Variants in FRMPD4 observed in about 807,000 individuals in gnomAD.
FRMPD4 encodes the protein FERM and PDZ domain-containing protein 4.
FRMPD4 carries 22 observed loss-of-function variants against 94.1 expected under a neutral mutation model. The observed-to-expected ratio is 0.23, with a 90% CI of 0.17 to 0.33. FRMPD4 has a LOEUF of 0.33. Among genes scored for constraint, FRMPD4 ranks in the 10% least tolerant of loss-of-function variants. The pLI, the probability that FRMPD4 is intolerant of heterozygous loss-of-function variation, is 1.00. For synonymous variants in FRMPD4, 631 were observed against 548.6 expected (o/e 1.15, Z -2.10); for missense variants, 1,111 against 1,339.9 (o/e 0.83, Z 2.67).
chrX:12,217,260 G>T (rs1041907662), intron 1 of FRMPD4, among the ~76,000 whole-genome samples: 1 of 111,623 alleles, frequency 9.0e-6, no homozygotes, highest in East Asian at 2.8e-4. Flanking sequence ...GAAGTAAGCT[G>T]CTTCAGGGTA....
intron 1 of FRMPD4, among the ~76,000 whole-genome samples, chrX:12,362,070 C>G (rs1203419911): frequency 2.7e-5 from 3 of 110,854 alleles, no homozygotes; most frequent in Admixed American, 9.5e-5. Flanking sequence ...TTTTTTTCTT[C>G]TAGCTTATAT....
chrX:12,539,847 T>G (rs1437337864), intron 2 of FRMPD4, among the ~76,000 whole-genome samples: 1 of 111,563 alleles, frequency 9.0e-6, no homozygotes, highest in African/African-American at 3.3e-5. Context: ...TTGGTCAGGC[T>G]GGTCTCGAAC....
At chrX:12,617,104 C>G (rs756511891) in intron 4 of FRMPD4, among the ~76,000 whole-genome samples, 1 of 111,987 alleles carries the variant, frequency 8.9e-6, no homozygotes, top group African/African-American at 3.2e-5. Flanking sequence ...AAAAAGCGCT[C>G]TCTATAGAAC....
At chrX:12,166,119 G>C (rs2056112815) in intron 1 of FRMPD4, among the ~76,000 whole-genome samples, 1 of 111,745 alleles carries the variant, frequency 8.9e-6, no homozygotes, top group Middle Eastern at 4.2e-3. Flanking sequence ...GGGCATCCCT[G>C]TCTTGTGCCA....
At chrX:11,838,538 G>A (rs963537560) in intron 1 of FRMPD4, among the ~76,000 whole-genome samples, 4 of 110,902 alleles carry the variant, frequency 3.6e-5, no homozygotes, top group South Asian at 3.8e-4. Flanking sequence ...TTTAGTGAAC[G>A]TATAGAGTTG....
At chrX:12,319,788 A>G (rs2055180446) in intron 1 of FRMPD4, among the ~76,000 whole-genome samples, 1 of 112,044 alleles carries the variant, frequency 8.9e-6, no homozygotes, top group African/African-American at 3.2e-5. Context: ...TCTATTGTCT[A>G]TGGTTTCAGT....
chrX:12,287,152 G>A lies in FRMPD4; in HGVS notation c.41+148140G>A, dbSNP rs773543227. 1.2e-4 allele frequency among the ~76,000 whole-genome samples: 14 copies of A among 112,436 alleles called. No homozygotes were observed. In the South Asian group the frequency reaches 5.1e-3, roughly 41 times the overall value. ...ATTGATGAACAAGGCAAGACCAAAT[G>A]TTTACTTAGGGAGATGATTGTGTTG... is the stretch of plus-strand genomic sequence containing the variant. On this transcript the variant is annotated intron_variant, in intron 1 of 16. Transcript: ENST00000675598.
chrX:12,162,848 G>A (rs953937636), intron 1 of FRMPD4, among the ~76,000 whole-genome samples: 3 of 111,554 alleles, frequency 2.7e-5, no homozygotes, highest in African/African-American at 9.8e-5. Flanking sequence ...GCAAAATGGT[G>A]AAATTTGACA....
At chrX:12,073,525 C>T (rs1042960264) in intron 3 of FRMPD4, among the ~76,000 whole-genome samples, 1 of 111,650 alleles carries the variant, frequency 9.0e-6, no homozygotes, top group African/African-American at 3.3e-5. Context: ...ATACAAAACC[C>T]GTCAATGGTC....
At chrX:11,847,717 C>G (rs774547300) in intron 1 of FRMPD4, among the ~76,000 whole-genome samples, 1 of 109,649 alleles carries the variant, frequency 9.1e-6, no homozygotes, top group Non-Finnish European at 1.9e-5. Flanking sequence ...AAATGATGAG[C>G]TAATGTCCTT....
At chrX:12,066,891 A>G in intron 3 of FRMPD4, among the ~76,000 whole-genome samples, 1 of 92,285 alleles carries the variant, frequency 1.1e-5, no homozygotes, top group Non-Finnish European at 2.2e-5. Flanking sequence ...TTTTTTTGAG[A>G]CATAGCCTCA....
At chrX:12,168,074 A>G (rs1003078611) in intron 1 of FRMPD4, among the ~76,000 whole-genome samples, 8 of 110,659 alleles carry the variant, frequency 7.2e-5, no homozygotes, top group African/African-American at 2.6e-4. Context: ...GCACCTTACA[A>G]TGTGCGGGGC....
At chrX:12,256,300 G>A (rs762925315) in intron 1 of FRMPD4, among the ~76,000 whole-genome samples, 11 of 111,866 alleles carry the variant, frequency 9.8e-5, no homozygotes, top group Non-Finnish European at 2.1e-4. Flanking sequence ...CCCACAAACA[G>A]GAGAAGACAG....
intron 1 of FRMPD4, among the ~76,000 whole-genome samples, chrX:12,425,300 C>T (rs2056932434): frequency 9.0e-6 from 1 of 111,708 alleles, no homozygotes. Flanking sequence ...CAGAAATTGC[C>T]AGCCAACCAG....
chrX:11,828,336 C>T (rs1213304038), intron 1 of FRMPD4, among the ~76,000 whole-genome samples: 5 of 112,115 alleles, frequency 4.5e-5, no homozygotes, highest in East Asian at 2.8e-4. Flanking sequence ...AGCAACTGCC[C>T]GCACCAGACT....
chrX:11,904,812 G>A (rs2053958765), intron 3 of FRMPD4, among the ~76,000 whole-genome samples: 1 of 112,392 alleles, frequency 8.9e-6, no homozygotes, highest in Admixed American at 9.4e-5. Flanking sequence ...TTTAAGAGAT[G>A]ATTATTTTTA....
At chrX:12,685,801 G>C (rs1441216692) in intron 6 of FRMPD4, among the ~76,000 whole-genome samples, 1 of 111,911 alleles carries the variant, frequency 8.9e-6, no homozygotes, top group African/African-American at 3.2e-5. Context: ...GCTTAGGTCT[G>C]GGCTTGTAGT....
chrX:12,040,445 A>G (rs960393123), intron 3 of FRMPD4, among the ~76,000 whole-genome samples: 14 of 108,697 alleles, frequency 1.3e-4, no homozygotes, highest in East Asian at 8.5e-4. Context: ...TAGACATCAT[A>G]TAGAAGTCTA....
intron 3 of FRMPD4, among the ~76,000 whole-genome samples, chrX:11,893,799 C>T (rs2053887731): frequency 9.0e-6 from 1 of 111,329 alleles, no homozygotes; most frequent in African/African-American, 3.3e-5. Flanking sequence ...AATTCTTTTT[C>T]CAGTTAGGGC....
Sources: gnomAD v4.1 joint callset for allele counts (sites outside exome capture counted in the v4.1 genomes callset) on GRCh38, gnomAD v4.1.1 for gene constraint, MANE v1.5 for transcripts, NCBI Gene and HGNC (gene_info 2026-07-23, HGNC 2026-07-21) for gene names.